Variants in DCDC1 observed in about 807,000 individuals in gnomAD.
DCDC1 encodes the protein doublecortin domain-containing protein 1.
A neutral mutation model predicts 178.3 loss-of-function variants in DCDC1; 200 were observed. The observed-to-expected ratio is 1.12, with a 90% CI of 1.00 to 1.26. The LOEUF is 1.26. DCDC1 is among the 50% of genes most tolerant of loss of function. The pLI, the probability that DCDC1 is intolerant of heterozygous loss-of-function variation, is 0.00. For missense variants in DCDC1, 1,983 were observed against 1,749.2 expected (o/e 1.13, Z -2.38); for synonymous variants, 690 against 604.8 (o/e 1.14, Z -2.07).
chr11:30,878,490 G>A, intron 38 of DCDC1, 54 bp downstream of exon 38: 4 of 1,373,366 alleles, frequency 2.9e-6, no homozygotes, highest in Non-Finnish European at 2.9e-6. Context: ...GAAAATAAAA[G>A]AGATAAATAA....
intron 36 of DCDC1, among the ~76,000 whole-genome samples, chr11:30,892,591 T>C (rs183823709): frequency 6.6e-6 from 1 of 152,328 alleles, no homozygotes; most frequent in Admixed American, 6.5e-5. Flanking sequence ...GCTGGACAAG[T>C]TGCCTATTCA....
intron 7 of DCDC1, among the ~76,000 whole-genome samples, chr11:31,275,964 C>G (rs1945956295): frequency 6.6e-6 from 1 of 152,200 alleles, no homozygotes; most frequent in Non-Finnish European, 1.5e-5. Context: ...ATAGTTATAC[C>G]TGGCTGTGCA....
At chr11:31,074,191 C>G (rs1371021463) in intron 18 of DCDC1, among the ~76,000 whole-genome samples, 1 of 152,136 alleles carries the variant, frequency 6.6e-6, no homozygotes, top group African/African-American at 2.4e-5. Flanking sequence ...AGAGAGGGCA[C>G]AGCCATGTCT....
intron 8 of DCDC1, among the ~76,000 whole-genome samples, chr11:31,261,486 A>T (rs551801955): frequency 6.6e-6 from 1 of 152,324 alleles, no homozygotes. Context: ...AAACATTTTT[A>T]AAATAATAAT....
chr11:31,208,813 C>A (rs79917340), intron 9 of DCDC1, among the ~76,000 whole-genome samples: 3,138 of 152,280 alleles, frequency 0.021, 96 homozygotes, highest in African/African-American at 0.07. Flanking sequence ...ATGTCTGGAT[C>A]TTTCTTATCA....
chr11:30,877,780 G>A (rs1942272711), intron 38 of DCDC1, among the ~76,000 whole-genome samples: 1 of 152,144 alleles, frequency 6.6e-6, no homozygotes, highest in Non-Finnish European at 1.5e-5. Flanking sequence ...TTTGTATTCA[G>A]TATATTAAGG....
At chr11:30,991,638 T>G (rs1211172016) in intron 20 of DCDC1, among the ~76,000 whole-genome samples, 3 of 152,140 alleles carry the variant, frequency 2.0e-5, no homozygotes, top group Non-Finnish European at 2.9e-5. Context: ...GCACATTTGA[T>G]CTCTGCTGTC....
intron 1 of DCDC1, among the ~76,000 whole-genome samples, chr11:31,340,708 A>G (rs2133208752): frequency 6.6e-6 from 1 of 152,246 alleles, no homozygotes; most frequent in Non-Finnish European, 1.5e-5. Flanking sequence ...GTAAGAAGGA[A>G]TTCTTCCAGC....
intron 20 of DCDC1, among the ~76,000 whole-genome samples, chr11:31,036,032 T>C (rs1174444408): frequency 6.6e-6 from 1 of 152,204 alleles, no homozygotes; most frequent in African/African-American, 2.4e-5. Context: ...CCCTTCAACA[T>C]GCCCCCATTT....
intron 15 of DCDC1, among the ~76,000 whole-genome samples, chr11:31,099,297 A>G (rs571665175): frequency 9.8e-5 from 15 of 152,318 alleles, no homozygotes; most frequent in African/African-American, 3.6e-4. Context: ...TTTCCAATCT[A>G]GCAGGGAGGA....
intron 21 of DCDC1, among the ~76,000 whole-genome samples, chr11:30,935,272 A>G (rs1376122748): frequency 6.6e-6 from 1 of 152,180 alleles, no homozygotes; most frequent in Non-Finnish European, 1.5e-5. Context: ...CAGCTGGGGC[A>G]GGGTAACACC....
At chr11:31,276,924 T>A (rs929038323) in intron 7 of DCDC1, among the ~76,000 whole-genome samples, 3 of 152,192 alleles carry the variant, frequency 2.0e-5, no homozygotes, top group African/African-American at 7.2e-5. Flanking sequence ...AATAATTAAA[T>A]GAACCAGATT....
In DCDC1 at chr11:31,290,810, C is replaced by G. The variant is rs1478514562; in HGVS notation, c.797G>C (p.Gly266Ala). 1 of 1,613,026 alleles carries G rather than the reference C, an allele frequency of 6.2e-7. No individual in the cohort carries two copies. The highest frequency in any genetic ancestry group is 1.3e-5 in the African/African-American group (1 of 74,854). ...TTTGATATCAGTAGGAAGCATCAACCCATTCATTGTCCAAGTTACTTTCTT... is the reference window on the plus strand; with the variant it reads ...TTTGATATCAGTAGGAAGCATCAACGCATTCATTGTCCAAGTTACTTTCTT... ...LIKKVTWTMN[G>A]LMLPTDIKRR... Residue 266 changes from glycine to alanine, a missense_variant, in exon 7 of 39, where the codon GGG (glycine) becomes GCG (alanine). Physicochemically the swap from Gly to Ala is moderately conservative, Grantham distance 60. Transcript: ENST00000684477.
At position 30,906,642 on chromosome 11, in the gene DCDC1, T is replaced by A; in HGVS notation, c.4002A>T (p.Gly1334=). Residue 1334 remains glycine, a synonymous_variant, in exon 30 of 39, where the codon GGA becomes GGT. Transcript: ENST00000684477. ...GAACCCCTGGAAGCAATTGTTTCAG[T>A]CCTTTCTCTGTTCTCATGGATTGTC... The part of the protein sequence containing the change: ...ACGQSMRTEK[G]LKQLLPGVPF... 1 of 1,613,670 alleles carries A rather than the reference T, an allele frequency of 6.2e-7. No homozygotes were observed. The highest frequency in any genetic ancestry group is 8.5e-7 in the Non-Finnish European group (1 of 1,179,750).
intron 20 of DCDC1, among the ~76,000 whole-genome samples, chr11:31,045,134 A>C (rs1035044389): frequency 2.7e-5 from 4 of 147,656 alleles, no homozygotes; most frequent in African/African-American, 1.1e-4. Flanking sequence ...TCTCATAAAT[A>C]TACTTATATG....
chr11:31,337,354 T>A (rs796450735), intron 1 of DCDC1, among the ~76,000 whole-genome samples: 27 of 152,320 alleles, frequency 1.8e-4, no homozygotes, highest in African/African-American at 6.5e-4. Flanking sequence ...TTCTAAGCTT[T>A]TTAACAACAC....
chr11:31,340,226 TA>T (rs11346572), intron 1 of DCDC1, among the ~76,000 whole-genome samples: 43,397 of 151,370 alleles, frequency 0.29, 6,332 homozygotes, highest in African/African-American at 0.33. Context: ...TCCCAGGATA[TA>T]AAAAAAAATT....
chr11:31,298,890 A>T lies in DCDC1; in HGVS notation c.754+6725T>A, dbSNP rs192404201. Among the ~76,000 whole-genome samples, 331 of 152,336 alleles carry T rather than the reference A, an allele frequency of 2.2e-3. 2 individuals carry two copies. The highest frequency in any genetic ancestry group is 7.3e-3 in the African/African-American group (303 of 41,576). On this transcript the variant is annotated intron_variant, in intron 6 of 38. Coordinates refer to ENST00000684477, the MANE Select transcript of DCDC1 (RefSeq NM_001387274.1). ...TCAAATCCACAAGCTTATTAAAAAA[A>T]TTTGTTCTCTGGTAGTTGTGCAATA...
chr11:30,901,476 CT>C (rs1238563656), intron 32 of DCDC1, among the ~76,000 whole-genome samples: 1 of 152,094 alleles, frequency 6.6e-6, no homozygotes, highest in Non-Finnish European at 1.5e-5. Flanking sequence ...TAATGACTGC[CT>C]GCATAGTAAG....
Sources: allele counts gnomAD v4.1 joint callset (sites outside exome capture counted in the v4.1 genomes callset), GRCh38; gene constraint gnomAD v4.1.1; transcripts MANE v1.5; gene names NCBI Gene and HGNC (gene_info 2026-07-23, HGNC 2026-07-21).